KIAA1671: variants seen among roughly 807,000 people sequenced by gnomAD.
KIAA1671 encodes the protein uncharacterized protein KIAA1671.
Under a neutral mutation model 131.2 loss-of-function variants are expected in KIAA1671, and 52 were observed. The ratio of observed to expected loss-of-function variants is 0.40; its 90% CI spans 0.32 to 0.50. The LOEUF is 0.50. KIAA1671 is among the 20% of genes least tolerant of loss of function. The pLI is 0.73. For missense variants in KIAA1671, 2,360 were observed against 2,364.2 expected (o/e 1.00, Z 0.04); for synonymous variants, 1,003 against 961.6 (o/e 1.04, Z -0.80).
At chr22:25,093,806 C>CTCTCTGTCTCTCTCTCTT (rs1568951409) in intron 6 of KIAA1671, among the ~76,000 whole-genome samples, 1 of 128,526 alleles carries the variant, frequency 7.8e-6, no homozygotes, top group Non-Finnish European at 1.6e-5. Flanking sequence ...CTCTCTCTCT[C>CTCTCTGTCTCTCTCTCTT]TCTCTGTCTC....
chr22:24,966,615 A>C (rs967214440), intron 1 of KIAA1671, among the ~76,000 whole-genome samples: 1 of 152,174 alleles, frequency 6.6e-6, no homozygotes, highest in Non-Finnish European at 1.5e-5. Context: ...GTGCTTATCA[A>C]GTGAAGAGGT....
chr22:25,113,259 C>T (rs1340106015), intron 6 of KIAA1671, among the ~76,000 whole-genome samples: 4 of 152,296 alleles, frequency 2.6e-5, no homozygotes, highest in Middle Eastern at 3.4e-3. Context: ...TCCCCATTCA[C>T]GGCTCTTTGC....
At chr22:25,066,492 A>G (rs936393142) in intron 6 of KIAA1671, among the ~76,000 whole-genome samples, 7 of 152,256 alleles carry the variant, frequency 4.6e-5, no homozygotes, top group African/African-American at 1.4e-4. Context: ...ATGAGGGTGG[A>G]GCTGTCATGG....
intron 6 of KIAA1671, among the ~76,000 whole-genome samples, chr22:25,086,642 G>A (rs988013042): frequency 3.9e-5 from 6 of 152,240 alleles, no homozygotes; most frequent in Admixed American, 6.5e-5. Flanking sequence ...CATCTGCCCC[G>A]TCCCATCCAC....
At chr22:25,002,224 C>A (rs984796733) in intron 1 of KIAA1671, among the ~76,000 whole-genome samples, 3 of 152,046 alleles carry the variant, frequency 2.0e-5, no homozygotes, top group African/African-American at 7.2e-5. Flanking sequence ...TCCTGGTAAC[C>A]ATTGGTAACC....
chr22:25,020,160 C>T (rs1421301426), intron 1 of KIAA1671, among the ~76,000 whole-genome samples: 7 of 152,134 alleles, frequency 4.6e-5, no homozygotes, highest in African/African-American at 1.2e-4. Context: ...ATTCCAACCC[C>T]ACCTCTACCC....
At chr22:25,094,278 C>T (rs1930293083) in intron 6 of KIAA1671, among the ~76,000 whole-genome samples, 1 of 152,114 alleles carries the variant, frequency 6.6e-6, no homozygotes, top group African/African-American at 2.4e-5. Context: ...CCCTCCAGAG[C>T]TCCCTCCAGA....
chr22:25,178,432 G>A (rs1934120159), intron 9 of KIAA1671, among the ~76,000 whole-genome samples: 1 of 152,232 alleles, frequency 6.6e-6, no homozygotes, highest in African/African-American at 2.4e-5. Flanking sequence ...CTTCCACCAG[G>A]GCAGAGGACA....
intron 1 of KIAA1671, among the ~76,000 whole-genome samples, chr22:24,981,436 C>T (rs979669255): frequency 6.6e-6 from 1 of 152,160 alleles, no homozygotes; most frequent in Non-Finnish European, 1.5e-5. Context: ...CGCATTCTTC[C>T]AGGGTGCTCT....
At chr22:25,093,759 TC>T (rs1568951122) in intron 6 of KIAA1671, among the ~76,000 whole-genome samples, 18 of 117,476 alleles carry the variant, frequency 1.5e-4, no homozygotes, top group African/African-American at 2.8e-4. Context: ...TCTCTCTCTC[TC>T]TCTCTCTGTC....
At chr22:25,159,002 A>G (rs533433798) in intron 6 of KIAA1671, among the ~76,000 whole-genome samples, 3 of 152,222 alleles carry the variant, frequency 2.0e-5, no homozygotes, top group East Asian at 3.9e-4. Context: ...GGCTGTTACT[A>G]TTCTTATTGC....
intron 1 of KIAA1671, among the ~76,000 whole-genome samples, chr22:24,971,362 G>A (rs769652688): frequency 2.0e-5 from 3 of 152,232 alleles, no homozygotes; most frequent in Admixed American, 6.5e-5. Flanking sequence ...ACTACCCAGA[G>A]CTGTCCATGT....
chr22:25,041,094 A>T lies in KIAA1671; in HGVS notation c.3964A>T (p.Thr1322Ser). 5 of 1,543,268 alleles carry T rather than the reference A, an allele frequency of 3.2e-6. No individual in the cohort carries two copies. The highest frequency in any genetic ancestry group is 4.4e-6 in the Non-Finnish European group (5 of 1,142,506). Residue 1322 changes from threonine to serine, a missense_variant, in exon 5 of 13, where the codon ACG becomes TCG. Coordinates refer to ENST00000358431, the MANE Select transcript of KIAA1671 (RefSeq NM_001145206.2). ...TATACCTGCGGATCCCAGGAAAAAAACGGGGTTTGCTGAGGATGACAGAAA... is the reference window on the plus strand; with the variant it reads ...TATACCTGCGGATCCCAGGAAAAAATCGGGGTTTGCTGAGGATGACAGAAA... ...SPIPADPRKK[T>S]GFAEDDRKAF...
chr22:25,154,470 G>A (rs1933159599), intron 6 of KIAA1671, among the ~76,000 whole-genome samples: 1 of 152,262 alleles, frequency 6.6e-6, no homozygotes, highest in Non-Finnish European at 1.5e-5. Flanking sequence ...ATCCACTTGG[G>A]TGTTTTCCAG....
intron 6 of KIAA1671, among the ~76,000 whole-genome samples, chr22:25,116,642 G>A (rs368047195): frequency 2.6e-5 from 4 of 151,108 alleles, no homozygotes; most frequent in Non-Finnish European, 1.5e-5. Context: ...GGCTGGTCTC[G>A]AACTCTGGCC....
chr22:25,089,345 G>A (rs967089745), intron 6 of KIAA1671, among the ~76,000 whole-genome samples: 5 of 149,520 alleles, frequency 3.3e-5, no homozygotes, highest in Admixed American at 2.0e-4. Context: ...CGCGATCTCG[G>A]CTCACTGCAA....
chr22:25,155,984 C>A, intron 6 of KIAA1671, among the ~76,000 whole-genome samples: 1 of 66,612 alleles, frequency 1.5e-5, no homozygotes, highest in Admixed American at 1.7e-4. Context: ...TTGTGTGTAT[C>A]TTTTTTGTGC....
chr22:25,047,680 C>T (rs948005460), intron 5 of KIAA1671, among the ~76,000 whole-genome samples: 6 of 152,162 alleles, frequency 3.9e-5, no homozygotes, highest in African/African-American at 1.2e-4. Context: ...ACCATGTTGG[C>T]GAGGCTGGTC....
At position 25,029,463 on chromosome 22, in the gene KIAA1671, C is replaced by T. The variant is rs200771652; in HGVS notation, c.1464C>T (p.Ala488=). 8.0e-3 allele frequency: 12,337 copies of T among 1,551,266 alleles called. 73 individuals carry two copies. The highest frequency in any genetic ancestry group is 0.01 in the Non-Finnish European group (11,476 of 1,146,820). The change falls in exon 3 of 13, where the codon GCC becomes GCT. Residue 488 remains alanine (A), a synonymous_variant. Coordinates refer to ENST00000358431, the MANE Select transcript of KIAA1671 (RefSeq NM_001145206.2). ...SVQERIRGWT[A]ESSEAKPEVR... ...AGGAACGGATCAGAGGCTGGACTGC[C>T]GAGAGCTCAGAGGCTAAGCCCGAGG... is the stretch of plus-strand genomic sequence containing the variant.
Sources: gnomAD v4.1 joint callset for allele counts (sites outside exome capture counted in the v4.1 genomes callset) on GRCh38, gnomAD v4.1.1 for gene constraint, MANE v1.5 for transcripts, NCBI Gene and HGNC (gene_info 2026-07-23, HGNC 2026-07-21) for gene names.